Variants in IQSEC3 observed in about 807,000 individuals in gnomAD.
IQSEC3 encodes the protein IQ motif and Sec7 domain ArfGEF 3.
Under a neutral mutation model 105.4 loss-of-function variants are expected in IQSEC3, and 50 were observed. That is an observed-to-expected ratio of 0.47 (90% confidence interval 0.38 to 0.60). IQSEC3 has a LOEUF of 0.60. Ranked by LOEUF, IQSEC3 falls within the 20% of genes least tolerant of loss-of-function variation. The probability of loss-of-function intolerance (pLI) is 0.00; values close to 1 mark genes in which losing one functional copy is unlikely to be tolerated. For synonymous variants in IQSEC3, 708 were observed against 746.0 expected, an observed-to-expected ratio of 0.95 and a Z score of 0.83; for missense variants, 1,415 against 1,630.0, an observed-to-expected ratio of 0.87 and a Z score of 2.27.
Position 105,562 on chromosome 12 carries a change from A to G in IQSEC3, c.623+6348A>G, listed in dbSNP as rs542662320. 4.6e-5 allele frequency among the ~76,000 whole-genome samples: 7 copies of G among 152,338 alleles called. No individual in the cohort carries two copies. In the South Asian group the frequency reaches 1.4e-3, roughly 32 times the overall value. ...CGAATTCCGACGTGGAGCTACAGGAATCTGCCCTAGGGAACTGTGTGACCT... is the reference window on the plus strand; with the variant it reads ...CGAATTCCGACGTGGAGCTACAGGAGTCTGCCCTAGGGAACTGTGTGACCT... On this transcript the variant is annotated intron_variant, in intron 2 of 13. Transcript: ENST00000538872.
Position 125,747 on chromosome 12 carries a change from G to T in IQSEC3, c.738G>T (p.Leu246=). 1 of 1,520,518 alleles carries T rather than the reference G, an allele frequency of 6.6e-7. No homozygotes were observed. The highest frequency in any genetic ancestry group is 1.2e-5 in the South Asian group (1 of 80,350). 94.2% of individuals were successfully genotyped at this position (1,520,518 alleles called of 1,614,324 possible). Residue 246 remains leucine, a synonymous_variant, in exon 3 of 14, where the codon CTG becomes CTT. Transcript: ENST00000538872. ...CCCCGAAGGCTCAAGCCCAGGAGCT[G>T]CAGGAGGAGGAGGAGCGGCCGGGGG... is the stretch of plus-strand genomic sequence containing the variant. ...AHAPKAQAQE[L]QEEEERPGAG... is the part of the protein sequence containing the mutation.
chr12:157,442 A>C (rs79743732), intron 6 of IQSEC3, 86 bp from the exon 7 acceptor site: 285 of 1,060,238 alleles, frequency 2.7e-4, no homozygotes, highest in Admixed American at 3.9e-4. Context: ...GAGCTGGGAT[A>C]CCCCCTGGAC....
chr12:122,062 G>A (rs538388823), intron 2 of IQSEC3, among the ~76,000 whole-genome samples: 27 of 152,270 alleles, frequency 1.8e-4, no homozygotes, highest in Admixed American at 1.1e-3. Flanking sequence ...TCCACCACAC[G>A]GTCTTCTAGG....
intron 2 of IQSEC3, among the ~76,000 whole-genome samples, chr12:103,895 G>T (rs1555077151): frequency 1.4e-5 from 2 of 145,098 alleles, no homozygotes; most frequent in Non-Finnish European, 3.1e-5. Context: ...CTCGGGAGGG[G>T]AGGCGGGGCT....
chr12:102,793 AG>A (rs1420698948), intron 2 of IQSEC3, among the ~76,000 whole-genome samples: 1 of 152,178 alleles, frequency 6.6e-6, no homozygotes, highest in Non-Finnish European at 1.5e-5. Context: ...GTGTCTGCAA[AG>A]GGAGGCTGAA....
At chr12:135,138 A>T (rs1262036134) in intron 3 of IQSEC3, among the ~76,000 whole-genome samples, 1 of 152,190 alleles carries the variant, frequency 6.6e-6, no homozygotes, top group Non-Finnish European at 1.5e-5. Context: ...TCAAAGAAAA[A>T]AAAAAGAAAT....
Position 165,297 on chromosome 12 carries a change from T to C in IQSEC3, c.2710-137T>C, listed in dbSNP as rs1867112717. ...CATTTTGGGATAGTGTGTGCACATA[T>C]ATGTATATCTGTACCTGTATGTGCA... is the stretch of plus-strand genomic sequence containing the variant. On this transcript the variant is annotated intron_variant, in intron 9 of 13. Transcript: ENST00000538872. 4.3e-6 allele frequency: 3 copies of C among 696,688 alleles called. No homozygotes were observed. The Admixed American group carries it at 6.1e-5, about 14-fold the overall frequency. 43.2% of individuals were successfully genotyped at this position (696,688 alleles called of 1,614,324 possible).
In IQSEC3 at chr12:165,467, T is replaced by G; in HGVS notation, c.2743T>G (p.Ser915Ala). Residue 915 changes from serine to alanine, a missense_variant, in exon 10 of 14, where the codon TCC becomes GCC. Physicochemically the swap from Ser to Ala is moderately conservative, Grantham distance 99. Coordinates refer to ENST00000538872, the MANE Select transcript of IQSEC3 (RefSeq NM_001170738.2). ...LKLCPKKKSS[S>A]TYTFCKSVGL... ...ACTTTGCCCGAAGAAGAAGAGCTCCTCCACGTACACCTTTTGCAAGTCAGT... is the reference window on the plus strand; with the variant it reads ...ACTTTGCCCGAAGAAGAAGAGCTCCGCCACGTACACCTTTTGCAAGTCAGT... 1 of 1,614,108 alleles carries G rather than the reference T, an allele frequency of 6.2e-7. No homozygotes were observed. The highest frequency in any genetic ancestry group is 8.5e-7 in the Non-Finnish European group (1 of 1,179,998).
intron 1 of IQSEC3, among the ~76,000 whole-genome samples, chr12:83,786 A>G (rs1415251770): frequency 6.6e-6 from 1 of 151,894 alleles, no homozygotes; most frequent in East Asian, 1.9e-4. Context: ...GAGAAGGGAG[A>G]GCAGTTCAGC....
chr12:91,654 C>G (rs1296144720), intron 1 of IQSEC3, among the ~76,000 whole-genome samples: 1 of 152,146 alleles, frequency 6.6e-6, no homozygotes, highest in Non-Finnish European at 1.5e-5. Context: ...TGGCACATGC[C>G]TGTGGTCCCA....
intron 1 of IQSEC3, among the ~76,000 whole-genome samples, chr12:97,204 G>T (rs1052109571): frequency 2.6e-5 from 4 of 152,146 alleles, no homozygotes; most frequent in African/African-American, 7.2e-5. Flanking sequence ...TTTCTGCTGG[G>T]TTTGTCTTTG....
chr12:162,169 T>C, intron 8 of IQSEC3, 104 bp downstream of exon 8: 1 of 1,293,022 alleles, frequency 7.7e-7, no homozygotes, highest in African/African-American at 1.5e-5. Context: ...TTTTTCATAT[T>C]CATTCACATG....
intron 2 of IQSEC3, among the ~76,000 whole-genome samples, chr12:107,737 G>T (rs1555078431): frequency 1.3e-5 from 2 of 151,788 alleles, no homozygotes; most frequent in African/African-American, 4.8e-5. Flanking sequence ...CTACCTTTTT[G>T]TTTATTCTCT....
intron 3 of IQSEC3, among the ~76,000 whole-genome samples, chr12:132,403 T>C (rs1037418822): frequency 2.5e-4 from 38 of 152,262 alleles, no homozygotes; most frequent in Middle Eastern, 3.4e-3. Flanking sequence ...GGGGCAATGG[T>C]TCTCAAACAA....
intron 13 of IQSEC3, among the ~76,000 whole-genome samples, chr12:171,864 A>G (rs1555100439): frequency 6.6e-6 from 1 of 152,098 alleles, no homozygotes; most frequent in Non-Finnish European, 1.5e-5. Flanking sequence ...GAGGCTGCCC[A>G]TTTGGCTCCA....
chr12:127,672 C>G (rs969813650), intron 3 of IQSEC3, among the ~76,000 whole-genome samples: 4 of 152,170 alleles, frequency 2.6e-5, no homozygotes, highest in Non-Finnish European at 5.9e-5. Context: ...GCCCTTCGCC[C>G]ACTTTTTGAG....
intron 2 of IQSEC3, among the ~76,000 whole-genome samples, chr12:104,559 T>A (rs201707586): frequency 0.01 from 1,560 of 150,422 alleles, 14 homozygotes; most frequent in South Asian, 0.035. Flanking sequence ...ACGCCCATTT[T>A]AAAAAAAAAA....
intron 2 of IQSEC3, among the ~76,000 whole-genome samples, chr12:107,663 G>C (rs1333577905): frequency 6.6e-6 from 1 of 152,046 alleles, no homozygotes; most frequent in Non-Finnish European, 1.5e-5. Context: ...GCCCACCTCG[G>C]CCTCCCAAAG....
rs1591737769 is a variant in IQSEC3, at chr12:157,222, C to T, written c.2276+75C>T. ...GCCGGGCCGCTGTGAGCCTGGGAGA[C>T]AGGAGATGCTATCAGGAGGGTTGGA... On this transcript the variant is annotated intron_variant, in intron 6 of 13. Transcript: ENST00000538872. 39 of 1,449,082 alleles carry T rather than the reference C, an allele frequency of 2.7e-5. No individual in the cohort carries two copies. The East Asian group carries it at 1.0e-3, about 38-fold the overall frequency. The allele number at this position is 1,449,082 out of a possible 1,614,324, so 89.8% of individuals were successfully genotyped here.
Sources: allele counts gnomAD v4.1 joint callset (sites outside exome capture counted in the v4.1 genomes callset), GRCh38; gene constraint gnomAD v4.1.1; transcripts MANE v1.5; gene names NCBI Gene and HGNC (gene_info 2026-07-23, HGNC 2026-07-21).